The following CFAP299 variants were observed in gnomAD, a reference collection of about 807,000 sequenced individuals.
CFAP299 encodes cilia- and flagella-associated protein 299.
A neutral mutation model predicts 27.0 loss-of-function variants in CFAP299; 21 were observed. The ratio of observed to expected loss-of-function variants is 0.78; its 90% CI spans 0.55 to 1.12. CFAP299 has a LOEUF of 1.12. CFAP299 is among the 50% of genes most tolerant of loss of function. The pLI, the probability that CFAP299 is intolerant of heterozygous loss-of-function variation, is 0.00. For missense variants in CFAP299, 310 were observed against 276.6 expected (o/e 1.12, Z -0.86); for synonymous variants, 104 against 98.1 (o/e 1.06, Z -0.36).
intron 3 of CFAP299, among the ~76,000 whole-genome samples, chr4:80,697,964 A>T (rs949072566): frequency 6.6e-6 from 1 of 152,240 alleles, no homozygotes; most frequent in Non-Finnish European, 1.5e-5. Flanking sequence ...TAATCAATCA[A>T]ACCAAGGATA....
intron 3 of CFAP299, among the ~76,000 whole-genome samples, chr4:80,857,617 C>G (rs557328381): frequency 2.6e-5 from 4 of 152,006 alleles, no homozygotes; most frequent in South Asian, 4.1e-4. Flanking sequence ...TAGCATGAAG[C>G]GTTGTTGAAT....
intron 3 of CFAP299, among the ~76,000 whole-genome samples, chr4:80,749,427 G>A (rs1578087980): frequency 1.3e-5 from 2 of 152,142 alleles, no homozygotes; most frequent in East Asian, 3.9e-4. Context: ...AGAACTCACA[G>A]AATATATGTA....
At chr4:80,446,793 T>C (rs532433047) in intron 2 of CFAP299, among the ~76,000 whole-genome samples, 1 of 152,352 alleles carries the variant, frequency 6.6e-6, no homozygotes, top group Non-Finnish European at 1.5e-5. Flanking sequence ...AAAGAAAACT[T>C]CTATCAATGA....
At chr4:80,634,043 G>A (rs1739360104) in intron 3 of CFAP299, among the ~76,000 whole-genome samples, 2 of 148,038 alleles carry the variant, frequency 1.4e-5, no homozygotes, top group East Asian at 2.0e-4. Flanking sequence ...GTAGTGAGTG[G>A]CATACTCTCG....
At chr4:80,558,755 A>G (rs1734903932) in intron 2 of CFAP299, among the ~76,000 whole-genome samples, 1 of 152,130 alleles carries the variant, frequency 6.6e-6, no homozygotes, top group African/African-American at 2.4e-5. Context: ...TATAAAGATT[A>G]TATCTAAAAA....
At chr4:80,763,404 GA>G (rs2110079125) in intron 3 of CFAP299, among the ~76,000 whole-genome samples, 1 of 152,232 alleles carries the variant, frequency 6.6e-6, no homozygotes, top group African/African-American at 2.4e-5. Flanking sequence ...AAAGGGACGT[GA>G]AGGACCTCTT....
At chr4:80,476,948 T>A (rs1730303254) in intron 2 of CFAP299, among the ~76,000 whole-genome samples, 1 of 137,708 alleles carries the variant, frequency 7.3e-6, no homozygotes, top group Non-Finnish European at 1.6e-5. Flanking sequence ...TGTGTGCGTG[T>A]GTGTGCGCAT....
intron 4 of CFAP299, among the ~76,000 whole-genome samples, chr4:80,906,123 A>G (rs531530781): frequency 1.3e-5 from 2 of 152,344 alleles, no homozygotes; most frequent in Non-Finnish European, 2.9e-5. Context: ...CATTAGTTAA[A>G]TATACCCATT....
rs552440391 is a variant in CFAP299 at position 80,386,577 on chromosome 4, G to A, written c.242+23693G>A. On this transcript the variant is annotated intron_variant, in intron 2 of 5. Coordinates refer to ENST00000358105, the MANE Select transcript of CFAP299 (RefSeq NM_152770.3). The stretch of plus-strand genomic sequence containing the variant: ...TTCTGGGGGCCGAGACGACAGCGGT[G>A]ATCTTTGAGGTATTTGTGGCGGAAA... 8 of 1,597,890 alleles carry A rather than the reference G, an allele frequency of 5.0e-6. No individual in the cohort carries two copies. In the South Asian group the frequency reaches 6.6e-5, roughly 13 times the overall value.
intron 3 of CFAP299, among the ~76,000 whole-genome samples, chr4:80,706,656 A>G (rs995659873): frequency 6.6e-6 from 1 of 151,892 alleles, no homozygotes; most frequent in Non-Finnish European, 1.5e-5. Context: ...CTATGTATAT[A>G]TTTGTGTATG....
At chr4:80,862,110 C>T (rs896412444) in intron 3 of CFAP299, among the ~76,000 whole-genome samples, 2 of 152,142 alleles carry the variant, frequency 1.3e-5, no homozygotes, top group East Asian at 3.8e-4. Context: ...TGGTTCATGC[C>T]TGTAATCCCA....
intron 3 of CFAP299, among the ~76,000 whole-genome samples, chr4:80,746,874 C>T (rs866351648): frequency 1.3e-5 from 2 of 152,024 alleles, no homozygotes; most frequent in Admixed American, 1.3e-4. Flanking sequence ...TGTGCACAGA[C>T]TTGTCCATTA....
chr4:80,386,201 T>A, intron 2 of CFAP299: 2 of 894,276 alleles, frequency 2.2e-6, no homozygotes, highest in Non-Finnish European at 1.7e-6. Flanking sequence ...TCGATGTAGA[T>A]GAGCACAGCG....
intron 3 of CFAP299, among the ~76,000 whole-genome samples, chr4:80,747,195 G>A (rs1389855027): frequency 1.3e-5 from 2 of 151,942 alleles, no homozygotes; most frequent in African/African-American, 4.8e-5. Flanking sequence ...ACACATGATT[G>A]TATAATAAAT....
chr4:80,465,159 G>A (rs975252351), intron 2 of CFAP299, among the ~76,000 whole-genome samples: 4 of 151,926 alleles, frequency 2.6e-5, no homozygotes, highest in African/African-American at 9.7e-5. Flanking sequence ...TTCATTGTAT[G>A]TATTCAACCT....
At chr4:80,345,421 C>G (rs1179860941) in intron 1 of CFAP299, among the ~76,000 whole-genome samples, 2 of 134,908 alleles carry the variant, frequency 1.5e-5, no homozygotes, top group Admixed American at 7.5e-5. Flanking sequence ...CTATCCCTCC[C>G]CCCTCCCCCC....
chr4:80,392,947 A>AT (rs1360281770), intron 2 of CFAP299, among the ~76,000 whole-genome samples: 1 of 152,186 alleles, frequency 6.6e-6, no homozygotes, highest in Non-Finnish European at 1.5e-5. Context: ...TCCTTCAGGA[A>AT]ATATTCCAGA....
At chr4:80,492,298 C>T (rs1731178014) in intron 2 of CFAP299, among the ~76,000 whole-genome samples, 1 of 152,126 alleles carries the variant, frequency 6.6e-6, no homozygotes, top group South Asian at 2.1e-4. Context: ...ATGTCATGGG[C>T]CATGGTCACT....
intron 2 of CFAP299, among the ~76,000 whole-genome samples, chr4:80,569,125 T>G (rs1291659627): frequency 6.6e-6 from 1 of 152,052 alleles, no homozygotes. Flanking sequence ...GGCTAATTCT[T>G]GTGTGTTTCC....
Sources: gnomAD v4.1 joint callset for allele counts (sites outside exome capture counted in the v4.1 genomes callset) on GRCh38, gnomAD v4.1.1 for gene constraint, MANE v1.5 for transcripts, NCBI Gene and HGNC (gene_info 2026-07-23, HGNC 2026-07-21) for gene names.